The following EFNA5 variants were observed in gnomAD, a reference collection of about 807,000 sequenced individuals.
EFNA5 encodes ephrin A5, also known as ephrin-A5.
A neutral mutation model predicts 22.9 loss-of-function variants in EFNA5; 5 were observed. That is an observed-to-expected ratio of 0.22 (90% CI 0.11 to 0.46). The LOEUF is 0.46. EFNA5 is among the 20% of genes least tolerant of loss of function. The probability of loss-of-function intolerance (pLI) is 0.99; values close to 1 mark genes in which losing one functional copy is unlikely to be tolerated. For missense variants in EFNA5, 237 were observed against 293.3 expected (o/e 0.81, Z 1.40); for synonymous variants, 113 against 112.2 (o/e 1.01, Z -0.04).
intron 1 of EFNA5, among the ~76,000 whole-genome samples, chr5:107,464,290 A>G (rs550876827): frequency 2.6e-5 from 4 of 152,212 alleles, no homozygotes; most frequent in South Asian, 2.1e-4. Flanking sequence ...TATCCCTCCA[A>G]TCTTCACTAC....
chr5:107,584,908 T>A (rs927508907), intron 1 of EFNA5, among the ~76,000 whole-genome samples: 20 of 152,216 alleles, frequency 1.3e-4, no homozygotes, highest in Admixed American at 1.2e-3. Flanking sequence ...GTGGCGGTGA[T>A]GGTGGACAAG....
At chr5:107,611,375 T>A (rs1749816767) in intron 1 of EFNA5, among the ~76,000 whole-genome samples, 1 of 152,170 alleles carries the variant, frequency 6.6e-6, no homozygotes. Context: ...ACCTTTTTGC[T>A]ATGTAAAATC....
chr5:107,535,640 A>C (rs1747915623), intron 1 of EFNA5, among the ~76,000 whole-genome samples: 1 of 152,220 alleles, frequency 6.6e-6, no homozygotes, highest in Non-Finnish European at 1.5e-5. Flanking sequence ...TAACTGCAGC[A>C]TAAATAATTT....
chr5:107,426,939 G>A (rs1748824519), intron 2 of EFNA5: 1 of 342,850 alleles, frequency 2.9e-6, no homozygotes. Flanking sequence ...CTGAGCTTTG[G>A]AGAAGTCCTG....
Position 107,532,181 on chromosome 5 carries a change from C to T in EFNA5, c.126-104672G>A, listed in dbSNP as rs1055891539. Among the ~76,000 whole-genome samples, 2 of 152,280 alleles carry T rather than the reference C, an allele frequency of 1.3e-5. 1 individual carries two copies. On this transcript the variant is annotated intron_variant, in intron 1 of 4. Coordinates refer to ENST00000333274, the MANE Select transcript of EFNA5 (RefSeq NM_001962.3). The stretch of plus-strand genomic sequence containing the variant: ...ATGGGCAGGAGGAATTATTTCTTAT[C>T]TAGAAGAAACTGGGGTTAAGAGATG...
In EFNA5 at chr5:107,585,021, T is replaced by A. The variant is rs1749155626; in HGVS notation, c.125+85468A>T. ...AATATTCCCTGGTCAGTAGGGAAAG[T>A]CAATTGCTGATATTATGGGACTAGT... On this transcript the variant is annotated intron_variant, in intron 1 of 4. Transcript: ENST00000333274. Among the ~76,000 whole-genome samples, 5 of 151,850 alleles carry A rather than the reference T, an allele frequency of 3.3e-5. No individual in the cohort carries two copies. The South Asian group carries it at 1.0e-3, about 32-fold the overall frequency.
intron 1 of EFNA5, among the ~76,000 whole-genome samples, chr5:107,587,548 G>A (rs1388313687): frequency 6.6e-6 from 1 of 152,092 alleles, no homozygotes; most frequent in Non-Finnish European, 1.5e-5. Flanking sequence ...ATGGAGTCTT[G>A]CGCTGTTGCC....
At chr5:107,603,043 G>C (rs977446399) in intron 1 of EFNA5, among the ~76,000 whole-genome samples, 3 of 152,120 alleles carry the variant, frequency 2.0e-5, no homozygotes, top group Non-Finnish European at 4.4e-5. Context: ...TCTTAATGAG[G>C]GTCCTGGTTC....
intron 1 of EFNA5, among the ~76,000 whole-genome samples, chr5:107,524,654 G>A (rs1424312718): frequency 6.6e-6 from 1 of 152,168 alleles, no homozygotes; most frequent in African/African-American, 2.4e-5. Context: ...GCCAAACTGG[G>A]TTTTTACACA....
At chr5:107,637,579 T>C (rs1371898464) in intron 1 of EFNA5, among the ~76,000 whole-genome samples, 2 of 151,492 alleles carry the variant, frequency 1.3e-5, no homozygotes, top group African/African-American at 4.8e-5. Flanking sequence ...GTTTTTAAAG[T>C]ATATGGATTA....
chr5:107,504,751 C>T (rs1385430475), intron 1 of EFNA5, among the ~76,000 whole-genome samples: 1 of 152,116 alleles, frequency 6.6e-6, no homozygotes, highest in Non-Finnish European at 1.5e-5. Context: ...AGGCACCAAG[C>T]TTAAAAGGTC....
chr5:107,503,155 A>C (rs1323793476), intron 1 of EFNA5, among the ~76,000 whole-genome samples: 1 of 152,128 alleles, frequency 6.6e-6, no homozygotes, highest in Non-Finnish European at 1.5e-5. Context: ...CAGGTCATCT[A>C]TTGCCAATAA....
intron 1 of EFNA5, among the ~76,000 whole-genome samples, chr5:107,668,509 G>T (rs1490828): frequency 0.33 from 50,518 of 151,988 alleles, 9,161 homozygotes; most frequent in South Asian, 0.52. Context: ...TAGGGGTGTT[G>T]CTGGTTCTTT....
chr5:107,664,158 A>G (rs1040894351), intron 1 of EFNA5, among the ~76,000 whole-genome samples: 18 of 152,216 alleles, frequency 1.2e-4, no homozygotes, highest in African/African-American at 3.4e-4. Context: ...CAATTAGAAA[A>G]TAGCACACGG....
At chr5:107,460,091 A>C (rs1332439429) in intron 1 of EFNA5, among the ~76,000 whole-genome samples, 1 of 152,198 alleles carries the variant, frequency 6.6e-6, no homozygotes, top group Non-Finnish European at 1.5e-5. Flanking sequence ...GTAGCCAATA[A>C]GGAATTCCAT....
chr5:107,476,180 T>A (rs2112392735), intron 1 of EFNA5, among the ~76,000 whole-genome samples: 1 of 149,014 alleles, frequency 6.7e-6, no homozygotes, highest in Non-Finnish European at 1.5e-5. Context: ...GCCTCCCGAG[T>A]AGCTGGGGTT....
intron 1 of EFNA5, among the ~76,000 whole-genome samples, chr5:107,529,860 C>T (rs1338324967): frequency 2.0e-5 from 3 of 152,164 alleles, no homozygotes; most frequent in Non-Finnish European, 2.9e-5. Flanking sequence ...AGACAGCATC[C>T]TACATACAAA....
chr5:107,566,057 T>C (rs1748660588), intron 1 of EFNA5, among the ~76,000 whole-genome samples: 1 of 152,170 alleles, frequency 6.6e-6, no homozygotes, highest in South Asian at 2.1e-4. Flanking sequence ...GGCTCATTGA[T>C]ATTCCCAGAA....
intron 2 of EFNA5, among the ~76,000 whole-genome samples, chr5:107,388,730 T>C (rs1747706094): frequency 6.6e-6 from 1 of 152,220 alleles, no homozygotes; most frequent in Admixed American, 6.5e-5. Context: ...TTCCTCCCTA[T>C]GTGTTTGCTT....
Sources: gnomAD v4.1 joint callset for allele counts (sites outside exome capture counted in the v4.1 genomes callset) on GRCh38, gnomAD v4.1.1 for gene constraint, MANE v1.5 for transcripts, NCBI Gene and HGNC (gene_info 2026-07-23, HGNC 2026-07-21) for gene names.